Variants in ALS2 observed in about 807,000 individuals in gnomAD.
ALS2 encodes alsin Rho guanine nucleotide exchange factor ALS2.
A neutral mutation model predicts 203.4 loss-of-function variants in ALS2; 117 were observed. The observed-to-expected ratio is 0.58, with a 90% CI of 0.50 to 0.67. The LOEUF (loss-of-function observed/expected upper bound fraction) is 0.67, where lower values mean the gene tolerates loss of function less well. Ranked by LOEUF, ALS2 falls within the 30% of genes least tolerant of loss-of-function variation. The probability of loss-of-function intolerance (pLI) is 0.00; values close to 1 mark genes in which losing one functional copy is unlikely to be tolerated. For synonymous variants in ALS2, 718 were observed against 725.9 expected, an observed-to-expected ratio of 0.99 and a Z score of 0.17; for missense variants, 1,715 against 1,989.4, an observed-to-expected ratio of 0.86 and a Z score of 2.62.
chr2:201,760,681 G>A, intron 4 of ALS2, 200 bp downstream of exon 4: 1 of 1,383,342 alleles, frequency 7.2e-7, no homozygotes, highest in South Asian at 1.9e-5. Context: ...ATATCATAAA[G>A]GGCCAGAACA....
At chr2:201,758,759 C>CGCGTGTGT (rs74613232) in intron 4 of ALS2, among the ~76,000 whole-genome samples, 45 of 132,074 alleles carry the variant, frequency 3.4e-4, no homozygotes, top group South Asian at 8.1e-4. Flanking sequence ...TGTGTGTGCG[C>CGCGTGTGT]ATGTGTGTGT....
intron 28 of ALS2, among the ~76,000 whole-genome samples, chr2:201,707,532 T>C (rs976923413): frequency 1.3e-5 from 2 of 152,002 alleles, no homozygotes; most frequent in Non-Finnish European, 2.9e-5. Context: ...CAGGCCCAAG[T>C]GATCCTCTCA....
chr2:201,756,197 T>G (rs980645064), intron 5 of ALS2, among the ~76,000 whole-genome samples: 6 of 152,050 alleles, frequency 3.9e-5, no homozygotes, highest in African/African-American at 7.2e-5. Flanking sequence ...TGCAAATATA[T>G]TTATATACTT....
chr2:201,729,303 G>A (rs1425483076), intron 13 of ALS2, 120 bp from the exon 14 acceptor site: 6 of 1,171,740 alleles, frequency 5.1e-6, no homozygotes, highest in East Asian at 2.6e-5. Flanking sequence ...TTCAGCCCAC[G>A]AGCATAAGTA....
At chr2:201,774,734 A>G (rs926226421) in intron 1 of ALS2, among the ~76,000 whole-genome samples, 11 of 152,224 alleles carry the variant, frequency 7.2e-5, no homozygotes, top group African/African-American at 2.7e-4. Context: ...TTCAACCACT[A>G]AAACCACATG....
At chr2:201,716,351 C>A (rs1314246108) in intron 24 of ALS2, among the ~76,000 whole-genome samples, 3 of 152,018 alleles carry the variant, frequency 2.0e-5, no homozygotes, top group Non-Finnish European at 1.5e-5. Flanking sequence ...CAAGACCAGC[C>A]AGGCCAACAT....
chr2:201,774,597 G>T (rs1694571275), intron 1 of ALS2, among the ~76,000 whole-genome samples: 1 of 152,178 alleles, frequency 6.6e-6, no homozygotes, highest in African/African-American at 2.4e-5. Flanking sequence ...CAAAGAGAAA[G>T]TTAAATCATG....
intron 8 of ALS2, 104 bp from the exon 9 acceptor site, chr2:201,746,852 A>G: frequency 7.6e-7 from 1 of 1,316,560 alleles, no homozygotes; most frequent in Non-Finnish European, 1.1e-6. Flanking sequence ...AGCGTGGTGC[A>G]GTCAGTCATA....
intron 1 of ALS2, among the ~76,000 whole-genome samples, chr2:201,779,265 C>A (rs1694793552): frequency 6.6e-6 from 1 of 152,020 alleles, no homozygotes. Context: ...TTGTTTTTTT[C>A]CCAAAATTAT....
chr2:201,774,817 T>C (rs1694583021), intron 1 of ALS2, among the ~76,000 whole-genome samples: 2 of 152,200 alleles, frequency 1.3e-5, no homozygotes, highest in Non-Finnish European at 2.9e-5. Context: ...GTGACAAATA[T>C]CGTATTTTCT....
Position 201,728,597 on chromosome 2 carries a change from C to T in ALS2, c.2756G>A (p.Ser919Asn). ...KPERRLLCESSNRALSLQHAG... is the reference protein window; with the variant it reads ...KPERRLLCESNNRALSLQHAG... ...ATGCTGCAGAGACAGGGCTCGGTTA[C>T]TACTCTCACACAGCAGTCGACGCTC... The change falls in exon 15 of 34, where the codon AGT (serine) becomes AAT (asparagine). Residue 919 changes from serine to asparagine, a missense_variant. This residue lies in a region of ALS2 where 1,227 missense variants were observed against 1,413.5 expected (regional missense o/e 0.87). Coordinates refer to ENST00000264276, the MANE Select transcript of ALS2 (RefSeq NM_020919.4). The T allele has an allele frequency of 6.2e-7, 1 of 1,614,120 alleles. No individual in the cohort carries two copies.
At chr2:201,765,203 G>T (rs1402199697) in intron 3 of ALS2, among the ~76,000 whole-genome samples, 3 of 151,984 alleles carry the variant, frequency 2.0e-5, no homozygotes, top group Non-Finnish European at 4.4e-5. Flanking sequence ...GTCTCCCTAT[G>T]TTGCCCAGGA....
rs769139475 is a variant in ALS2 at position 201,760,996 on chromosome 2, G to A, written c.998C>T (p.Ala333Val). 6.2e-7 allele frequency: 1 copy of A among 1,614,148 alleles called. No homozygotes were observed. Among genetic ancestry groups the A allele is most frequent in the Middle Eastern group, 1.6e-4 (1 of 6,062 alleles). ...NVMGTTEISS[A>V]RNIPSYPDTQ... ...GTCAGGGTATGATGGTATGTTTCTG[G>A]CAGAGGAAATTTCAGTTGTTCCCAT... The change falls in exon 4 of 34, where the codon GCC becomes GTC. Residue 333 changes from alanine to valine, a missense_variant. Ala to Val is a moderately conservative substitution (Grantham distance 64, BLOSUM62 0). This residue lies in a region of ALS2 where 476 missense variants were observed against 539.3 expected (regional missense o/e 0.88). Transcript: ENST00000264276.
intron 20 of ALS2, among the ~76,000 whole-genome samples, chr2:201,724,700 T>C (rs1030199254): frequency 5.9e-5 from 9 of 152,214 alleles, no homozygotes; most frequent in Non-Finnish European, 1.2e-4. Context: ...TATTCTCTTA[T>C]GGGAAAATGA....
chr2:201,725,603 G>A, intron 19 of ALS2, 149 bp from the exon 20 acceptor site: 1 of 743,702 alleles, frequency 1.3e-6, no homozygotes, highest in East Asian at 2.6e-5. Context: ...CTTGGTTTAA[G>A]GTGAATCTAT....
chr2:201,746,457 G>A (rs1692655962), intron 9 of ALS2, 109 bp downstream of exon 9: 1 of 1,295,412 alleles, frequency 7.7e-7, no homozygotes, highest in Non-Finnish European at 1.1e-6. Flanking sequence ...TTTAAATAAG[G>A]TAGTTAGAGA....
At chr2:201,745,813 G>A (rs1263398034) in intron 9 of ALS2, among the ~76,000 whole-genome samples, 1 of 152,148 alleles carries the variant, frequency 6.6e-6, no homozygotes. Flanking sequence ...GCTGGGCGTG[G>A]TGGTGGGCAC....
intron 9 of ALS2, 37 bp downstream of exon 9, chr2:201,746,529 T>C (rs768610052): frequency 9.3e-6 from 15 of 1,609,054 alleles, no homozygotes; most frequent in Non-Finnish European, 6.8e-6. Flanking sequence ...TCTTATGTGT[T>C]ACTGAATGTG....
chr2:201,708,212 T>C (rs1046938427), intron 27 of ALS2, among the ~76,000 whole-genome samples: 1 of 152,190 alleles, frequency 6.6e-6, no homozygotes, highest in African/African-American at 2.4e-5. Context: ...CCTGTCTAGT[T>C]ACCAAGGAAT....
Sources: allele counts gnomAD v4.1 joint callset (sites outside exome capture counted in the v4.1 genomes callset), GRCh38; gene constraint gnomAD v4.1.1; regional missense constraint gnomAD v4.1.1; transcripts MANE v1.5; gene names NCBI Gene and HGNC (gene_info 2026-07-23, HGNC 2026-07-21).